THSD4: variants seen among roughly 807,000 people sequenced by gnomAD.
THSD4 encodes thrombospondin type-1 domain-containing protein 4.
Under a neutral mutation model 119.0 loss-of-function variants are expected in THSD4, and 69 were observed. The ratio of observed to expected loss-of-function variants is 0.58; its 90% CI spans 0.48 to 0.71. THSD4 has a LOEUF of 0.71. Among genes scored for constraint, THSD4 ranks in the 30% least tolerant of loss-of-function variants. The pLI is 0.00. For missense variants in THSD4, 1,393 were observed against 1,391.1 expected (o/e 1.00, Z -0.02); for synonymous variants, 524 against 540.4 (o/e 0.97, Z 0.42).
chr15:71,635,391 T>A (rs754543653), intron 7 of THSD4, among the ~76,000 whole-genome samples: 2 of 151,442 alleles, frequency 1.3e-5, no homozygotes, highest in African/African-American at 4.9e-5. Flanking sequence ...ACACACACAC[T>A]CTTTATTTGA....
At chr15:71,668,156 T>C (rs1355433601) in intron 8 of THSD4, among the ~76,000 whole-genome samples, 3 of 152,338 alleles carry the variant, frequency 2.0e-5, no homozygotes, top group South Asian at 2.1e-4. Flanking sequence ...AATAATACTT[T>C]AGAATTTTGG....
At chr15:71,665,443 A>G (rs1483487621) in intron 8 of THSD4, among the ~76,000 whole-genome samples, 1 of 152,090 alleles carries the variant, frequency 6.6e-6, no homozygotes, top group Non-Finnish European at 1.5e-5. Flanking sequence ...CCCATTCTGT[A>G]GGGTATCTGT....
At chr15:71,327,246 C>G (rs1040491742) in intron 6 of THSD4, among the ~76,000 whole-genome samples, 2 of 152,062 alleles carry the variant, frequency 1.3e-5, no homozygotes, top group South Asian at 4.1e-4. Flanking sequence ...TCATGGTGGC[C>G]TTTTCTCCCC....
At chr15:71,098,320 C>T (rs530387227) in intron 1 of THSD4, among the ~76,000 whole-genome samples, 3 of 145,276 alleles carry the variant, frequency 2.1e-5, no homozygotes, top group Non-Finnish European at 3.0e-5. Flanking sequence ...CTCAGCCTCT[C>T]GAGTAGCTGG....
chr15:71,629,652 G>A (rs994982452), intron 7 of THSD4, among the ~76,000 whole-genome samples: 1 of 152,046 alleles, frequency 6.6e-6, no homozygotes, highest in Non-Finnish European at 1.5e-5. Context: ...GTGATGTTGG[G>A]TAGACTTGCG....
chr15:71,483,476 G>A (rs1023380136), intron 7 of THSD4, among the ~76,000 whole-genome samples: 1 of 152,134 alleles, frequency 6.6e-6, no homozygotes, highest in Non-Finnish European at 1.5e-5. Context: ...TGGAGTGAGA[G>A]GTGGCGCTGT....
At chr15:71,690,768 CT>C (rs1478784228) in intron 8 of THSD4, among the ~76,000 whole-genome samples, 6 of 152,324 alleles carry the variant, frequency 3.9e-5, no homozygotes, top group Admixed American at 2.6e-4. Context: ...AGGGAAACTC[CT>C]CCTTATAAAA....
chr15:71,658,596 TTTG>T (rs948063427), intron 7 of THSD4, among the ~76,000 whole-genome samples: 20 of 152,202 alleles, frequency 1.3e-4, no homozygotes, highest in South Asian at 8.3e-4. Context: ...TGGTGACATT[TTTG>T]TTGTTGTTGT....
intron 1 of THSD4, among the ~76,000 whole-genome samples, chr15:71,140,278 C>T (rs2040590026): frequency 6.6e-6 from 1 of 152,118 alleles, no homozygotes; most frequent in Non-Finnish European, 1.5e-5. Context: ...TGGTGAGGAC[C>T]TCAGGAAGCT....
At chr15:71,542,748 G>T (rs1212697477) in intron 7 of THSD4, among the ~76,000 whole-genome samples, 2 of 151,922 alleles carry the variant, frequency 1.3e-5, no homozygotes, top group Non-Finnish European at 2.9e-5. Flanking sequence ...ATGGTGGCGG[G>T]CACTTGTAGT....
chr15:71,414,831 A>T (rs2046737723), intron 7 of THSD4, among the ~76,000 whole-genome samples: 1 of 152,198 alleles, frequency 6.6e-6, no homozygotes, highest in Non-Finnish European at 1.5e-5. Context: ...TAGGGTTCTG[A>T]TGTTACTAGG....
At chr15:71,755,513 G>C (rs2053521929) in intron 14 of THSD4, among the ~76,000 whole-genome samples, 1 of 151,860 alleles carries the variant, frequency 6.6e-6, no homozygotes, top group African/African-American at 2.4e-5. Flanking sequence ...CCTTAGAAAG[G>C]GCTTTGGTCA....
In THSD4 at chr15:71,731,183, C is replaced by T. The variant is rs1046720922; in HGVS notation, c.1596C>T (p.Ala532=). The change falls in exon 10 of 18, where the codon GCC becomes GCT. Residue 532 remains alanine, a synonymous_variant. Transcript: ENST00000261862. ...AGTACGTGATCATGGGGACCAACGC[C>T]ATCAGCCCCCAGGTGCCACCCCACA... The part of the protein sequence containing the change: ...HYEYVIMGTN[A]ISPQVPPHRR... 1.9e-6 allele frequency: 3 copies of T among 1,614,190 alleles called. No individual in the cohort carries two copies. Among genetic ancestry groups the T allele is most frequent in the Non-Finnish European group, 8.5e-7 (1 of 1,180,012 alleles).
At position 71,299,980 on chromosome 15, in the gene THSD4, T is replaced by A. The variant is rs1406170472; in HGVS notation, c.1015+43265T>A. Among the ~76,000 whole-genome samples, 783 of 84,556 alleles carry A rather than the reference T, an allele frequency of 9.3e-3. 3 individuals are homozygous for A. The highest frequency in any genetic ancestry group is 0.014 in the Non-Finnish European group (549 of 38,572). 55.5% of individuals were successfully genotyped at this position (84,556 alleles called of 152,430 possible). The stretch of plus-strand genomic sequence containing the variant: ...TCTACCAAAAAAAAAAAAAAAAATA[T>A]ATATATATATATATATATATATTAG... On this transcript the variant is annotated intron_variant, in intron 6 of 17. Coordinates refer to ENST00000261862, the MANE Select transcript of THSD4 (RefSeq NM_024817.3).
At chr15:71,145,030 A>G (rs1221626459) in intron 2 of THSD4, among the ~76,000 whole-genome samples, 1 of 152,018 alleles carries the variant, frequency 6.6e-6, no homozygotes, top group East Asian at 1.9e-4. Context: ...TTGGATGCAC[A>G]ATTACATCTT....
intron 6 of THSD4, among the ~76,000 whole-genome samples, chr15:71,291,139 T>C (rs1355026735): frequency 2.6e-5 from 4 of 152,162 alleles, no homozygotes; most frequent in African/African-American, 9.7e-5. Flanking sequence ...TTTGGCACCC[T>C]AATCACCCCC....
At chr15:71,409,861 C>T (rs111683337) in intron 6 of THSD4, among the ~76,000 whole-genome samples, 1,778 of 151,334 alleles carry the variant, frequency 0.012, 12 homozygotes, top group Middle Eastern at 0.021. Context: ...TGGCTGAGCA[C>T]AGCATTAGTC....
chr15:71,746,817 G>T (rs200288727), intron 12 of THSD4, 21 bp from the exon 13 acceptor site: 2 of 1,611,446 alleles, frequency 1.2e-6, no homozygotes, highest in Non-Finnish European at 1.7e-6. Context: ...TCTCACTCTC[G>T]CTCTCTCATT....
chr15:71,611,135 CG>C (rs1299296204), intron 7 of THSD4, among the ~76,000 whole-genome samples: 1 of 152,190 alleles, frequency 6.6e-6, no homozygotes, highest in Non-Finnish European at 1.5e-5. Context: ...TGGCCTGAGC[CG>C]TGATTATGCC....
Sources: allele counts gnomAD v4.1 joint callset (sites outside exome capture counted in the v4.1 genomes callset), GRCh38; gene constraint gnomAD v4.1.1; transcripts MANE v1.5; gene names NCBI Gene and HGNC (gene_info 2026-07-23, HGNC 2026-07-21).